Variants in FGF1 observed in about 807,000 individuals in gnomAD.
The protein encoded by FGF1 is fibroblast growth factor 1.
FGF1 carries 9 observed loss-of-function variants against 13.4 expected under a neutral mutation model. The observed-to-expected ratio is 0.67, with a 90% CI of 0.40 to 1.17. FGF1 has a LOEUF of 1.17. FGF1 is among the 50% of genes most tolerant of loss of function. The pLI, the probability that FGF1 is intolerant of heterozygous loss-of-function variation, is 0.01. For missense variants in FGF1, 156 were observed against 192.7 expected (o/e 0.81, Z 1.13); for synonymous variants, 93 against 79.0 (o/e 1.18, Z -0.94).
At chr5:142,658,042 T>G (rs1263700863) in intron 1 of FGF1, among the ~76,000 whole-genome samples, 1 of 152,162 alleles carries the variant, frequency 6.6e-6, no homozygotes, top group Non-Finnish European at 1.5e-5. Context: ...CCAAGAAATC[T>G]TCCAGGACAT....
At chr5:142,675,739 A>C (rs763862637) in intron 1 of FGF1, among the ~76,000 whole-genome samples, 2 of 152,216 alleles carry the variant, frequency 1.3e-5, no homozygotes. Flanking sequence ...TCGGGCAGCC[A>C]AAATGCAAAA....
chr5:142,694,174 C>T (rs752279658), intron 2 of FGF1, among the ~76,000 whole-genome samples: 2 of 151,632 alleles, frequency 1.3e-5, no homozygotes, highest in African/African-American at 4.9e-5. Flanking sequence ...TATTCCCCCC[C>T]ACCCTGCCCA....
chr5:142,613,935 G>C (rs747151528), intron 2 of FGF1, 24 bp downstream of exon 2: 2 of 1,608,942 alleles, frequency 1.2e-6, no homozygotes, highest in Admixed American at 1.7e-5. Context: ...AAAGGGAAGG[G>C]GGGTGCCATA....
At chr5:142,596,481 G>A (rs1425922355) in intron 3 of FGF1, among the ~76,000 whole-genome samples, 1 of 148,606 alleles carries the variant, frequency 6.7e-6, no homozygotes, top group Non-Finnish European at 1.5e-5. Flanking sequence ...CATGGTGTGT[G>A]CCTGTAATTA....
At chr5:142,625,773 A>G (rs1454137233) in intron 1 of FGF1, among the ~76,000 whole-genome samples, 4 of 152,220 alleles carry the variant, frequency 2.6e-5, no homozygotes, top group Non-Finnish European at 4.4e-5. Flanking sequence ...TGTGTCTCCA[A>G]AAATCTTTTG....
At position 142,600,294 on chromosome 5, in the gene FGF1, C is replaced by T. The variant is rs1007248245; in HGVS notation, c.273+408G>A. Among the ~76,000 whole-genome samples the T allele has an allele frequency of 2.0e-5, 3 of 151,962 alleles. No homozygotes were observed. The South Asian group carries it at 6.2e-4, about 32-fold the overall frequency. On this transcript the variant is annotated intron_variant, in intron 3 of 3. Transcript: ENST00000337706. ...GGAGGATTTCTTGAGCCCAGGAGTT[C>T]GAGGCTTCAGTGAGTCATGATTGTG...
chr5:142,617,131 G>A (rs184631348), intron 1 of FGF1, among the ~76,000 whole-genome samples: 106 of 152,308 alleles, frequency 7.0e-4, no homozygotes, highest in African/African-American at 1.6e-3. Flanking sequence ...TTGGGAGGCC[G>A]AGGTGGGTGG....
chr5:142,619,029 G>A (rs1324990564), intron 1 of FGF1, among the ~76,000 whole-genome samples: 2 of 140,810 alleles, frequency 1.4e-5, no homozygotes, highest in South Asian at 2.3e-4. Context: ...CCGCCTCCCA[G>A]GTTCACGCCA....
intron 2 of FGF1, among the ~76,000 whole-genome samples, chr5:142,602,844 C>T (rs1399636743): frequency 6.6e-6 from 1 of 151,992 alleles, no homozygotes; most frequent in African/African-American, 2.4e-5. Flanking sequence ...TTAACCATTT[C>T]TCTGTTAATA....
At chr5:142,650,376 G>A (rs1278650465) in intron 1 of FGF1, among the ~76,000 whole-genome samples, 5 of 152,336 alleles carry the variant, frequency 3.3e-5, no homozygotes, top group Non-Finnish European at 2.9e-5. Flanking sequence ...CGAGGTCTGT[G>A]AATTCTGATA....
At chr5:142,631,387 A>G (rs1763350389) in intron 1 of FGF1, among the ~76,000 whole-genome samples, 1 of 152,182 alleles carries the variant, frequency 6.6e-6, no homozygotes, top group African/African-American at 2.4e-5. Context: ...ACCGGACTTG[A>G]CCTTCTTCCT....
At chr5:142,669,571 C>T (rs573533369) in intron 1 of FGF1, among the ~76,000 whole-genome samples, 104 of 152,226 alleles carry the variant, frequency 6.8e-4, no homozygotes, top group African/African-American at 2.3e-3. Flanking sequence ...ATAGAGGGAC[C>T]GGAAGGATGA....
At position 142,613,910 on chromosome 5, in the gene FGF1, T is replaced by C. The variant is rs935476887; in HGVS notation, c.169+49A>G. 3 of 1,593,078 alleles carry C rather than the reference T, an allele frequency of 1.9e-6. No individual in the cohort carries two copies. The African/African-American group carries it at 4.0e-5, about 21-fold the overall frequency. ...ATGTGCACCTTCCTCCCACCTTGACTACAGAAGATGTCAGAAAGGGAAGGG... is the reference window on the plus strand; with the variant it reads ...ATGTGCACCTTCCTCCCACCTTGACCACAGAAGATGTCAGAAAGGGAAGGG... On this transcript the variant is annotated intron_variant, in intron 2 of 3. Transcript: ENST00000337706.
intron 3 of FGF1, among the ~76,000 whole-genome samples, chr5:142,596,010 T>C (rs1755166046): frequency 6.6e-6 from 1 of 152,254 alleles, no homozygotes. Flanking sequence ...CTAAAATGCC[T>C]TTTATCCTGG....
rs1274431532 is a variant in FGF1 at position 142,608,541 on chromosome 5, T to C, written c.169+5418A>G. 7.4e-5 allele frequency among the ~76,000 whole-genome samples: 4 copies of C among 54,116 alleles called. No homozygotes were observed. The South Asian group carries it at 3.4e-3, about 46-fold the overall frequency. The allele number at this position is 54,116 out of a possible 152,430, so 35.5% of individuals were successfully genotyped here. ...ACATATATATAAATATATATACACA[T>C]CTATATATATATATATATATATATA... is the stretch of plus-strand genomic sequence containing the variant. On this transcript the variant is annotated intron_variant, in intron 2 of 3. Transcript: ENST00000337706.
At chr5:142,624,264 A>G (rs1275653542) in intron 1 of FGF1, among the ~76,000 whole-genome samples, 1 of 152,074 alleles carries the variant, frequency 6.6e-6, no homozygotes, top group Non-Finnish European at 1.5e-5. Context: ...ATGGGGTCTC[A>G]CTGTGTTACC....
At chr5:142,606,057 C>T (rs192260334) in intron 2 of FGF1, among the ~76,000 whole-genome samples, 25 of 151,826 alleles carry the variant, frequency 1.6e-4, no homozygotes, top group Non-Finnish European at 2.9e-4. Flanking sequence ...CTGGGACTTA[C>T]GCTCAGCGCC....
chr5:142,650,598 A>G (rs1767044437), intron 1 of FGF1, among the ~76,000 whole-genome samples: 1 of 152,162 alleles, frequency 6.6e-6, no homozygotes, highest in Admixed American at 6.5e-5. Context: ...GGCAGGGAGA[A>G]TGATGCTCAT....
intron 3 of FGF1, among the ~76,000 whole-genome samples, chr5:142,600,017 G>C (rs1234834250): frequency 6.6e-6 from 1 of 152,168 alleles, no homozygotes; most frequent in East Asian, 1.9e-4. Flanking sequence ...GAAAGCCCAG[G>C]CTCTGCCATT....
Sources: gnomAD v4.1 joint callset for allele counts (sites outside exome capture counted in the v4.1 genomes callset) on GRCh38, gnomAD v4.1.1 for gene constraint, MANE v1.5 for transcripts, NCBI Gene and HGNC (gene_info 2026-07-23, HGNC 2026-07-21) for gene names.